The following PHLPP2 variants were observed in gnomAD, a reference collection of about 807,000 sequenced individuals.
PHLPP2 encodes the protein PH domain and leucine rich repeat protein phosphatase 2.
PHLPP2 carries 66 observed loss-of-function variants against 124.9 expected under a neutral mutation model. The observed-to-expected ratio is 0.53, with a 90% CI of 0.43 to 0.65. PHLPP2 has a LOEUF of 0.65. Among genes scored for constraint, PHLPP2 ranks in the 30% least tolerant of loss-of-function variants. PHLPP2 has a pLI of 0.00. For missense variants in PHLPP2, 1,685 were observed against 1,600.4 expected (o/e 1.05, Z -0.90); for synonymous variants, 681 against 624.7 (o/e 1.09, Z -1.34).
At chr16:71,710,035 G>A (rs1042394107) in intron 2 of PHLPP2, among the ~76,000 whole-genome samples, 4 of 152,036 alleles carry the variant, frequency 2.6e-5, no homozygotes, top group Admixed American at 2.0e-4. Flanking sequence ...TTTTGGTAGC[G>A]ACGGGGCTTC....
Position 71,656,581 on chromosome 16 carries a change from G to A in PHLPP2, c.2380C>T (p.Gln794Ter), listed in dbSNP as rs753334700. Residue 794 changes from glutamine (Q) to a stop codon, truncating the protein, a stop_gained, in exon 16 of 19, where the codon CAG (glutamine) becomes TAG (stop). Transcript: ENST00000568954. LOFTEE classifies it high-confidence loss of function. ...WSHGLAEMAG[Q>*]RNKLCVSALA... ...GGCCAATATACTCACTTATTTCTCT[G>A]CCCTGCCATCTCAGCCAGTCCATGG... 1 of 1,601,358 alleles carries A rather than the reference G, an allele frequency of 6.2e-7. No homozygotes were observed. The highest frequency in any genetic ancestry group is 8.6e-7 in the Non-Finnish European group (1 of 1,168,678).
At chr16:71,677,657 TTTACA>T (rs1007555355) in intron 8 of PHLPP2, 28 of 151,628 alleles carry the variant, frequency 1.8e-4, no homozygotes, top group African/African-American at 6.0e-4. Flanking sequence ...TCTTACTGTC[TTTACA>T]AGCTACATCA....
Position 71,646,493 on chromosome 16 carries a change from A to G in PHLPP2, c.*2397T>C, listed in dbSNP as rs1479406890. ...AGAACTGGGTTTTGAGGTGGTTCCA[A>G]TAAGTAGGTTGGGAAACGAATAGCA... On this transcript the variant is annotated 3_prime_UTR_variant, in exon 19 of 19. Coordinates refer to ENST00000568954, the MANE Select transcript of PHLPP2 (RefSeq NM_015020.3). 2 of 152,194 alleles carry G rather than the reference A, an allele frequency of 1.3e-5. No homozygotes were observed. Among genetic ancestry groups the G allele is most frequent in the African/African-American group, 4.8e-5 (2 of 41,446 alleles). The allele number at this position is 152,194 out of a possible 1,614,324, so 9.4% of individuals were successfully genotyped here. A position where few individuals can be genotyped will look rare whatever the true frequency, so the allele number is the denominator to read the frequency against.
At chr16:71,692,291 C>G (rs1466681615) in intron 3 of PHLPP2, among the ~76,000 whole-genome samples, 1 of 151,972 alleles carries the variant, frequency 6.6e-6, no homozygotes, top group African/African-American at 2.4e-5. Flanking sequence ...GGATGGTCTC[C>G]ATCTCCTGAC....
chr16:71,655,765 C>T (rs112277627), intron 16 of PHLPP2, among the ~76,000 whole-genome samples: 335 of 152,168 alleles, frequency 2.2e-3, no homozygotes, highest in African/African-American at 7.2e-3. Context: ...CCTGGGATTA[C>T]AGGTGTGAGC....
In PHLPP2 at chr16:71,676,584, T is replaced by A. The variant is rs776919041; in HGVS notation, c.1334A>T (p.Asp445Val). The change falls in exon 9 of 19, where the codon GAT becomes GTT. Residue 445 changes from aspartate to valine, a missense_variant. Asp to Val is a radical substitution (Grantham distance 152, BLOSUM62 -3). Coordinates refer to ENST00000568954, the MANE Select transcript of PHLPP2 (RefSeq NM_015020.3). ...LEGNKHITHV[D>V]LRDNRLTDLD... is the part of the protein sequence containing the mutation. Reference sequence around the variant, plus strand: ...GTCAGTCAGTCGGTTGTCCCGCAGATCCACGTGGGTGATGTGTTTATTTCC... The same window carrying A: ...GTCAGTCAGTCGGTTGTCCCGCAGAACCACGTGGGTGATGTGTTTATTTCC... 6.2e-7 allele frequency: 1 copy of A among 1,614,066 alleles called. No homozygotes were observed.
At position 71,649,718 on chromosome 16, in the gene PHLPP2, GGT is replaced by G; in HGVS notation, c.3142_3143del (p.Thr1048ProfsTer18). The G allele has an allele frequency of 6.2e-7, 1 of 1,614,124 alleles. No individual in the cohort carries two copies. Among genetic ancestry groups the G allele is most frequent in the Non-Finnish European group, 8.5e-7 (1 of 1,180,006 alleles). ...AAGCAAATCCCACAGGACCTGGGAG[GGT>G]GAGCCCATTCATTTCACAAGTGCAG... ...EGCTCEMNGL[T>X]LPGPVGFAST... is the part of the protein sequence containing the mutation. On this transcript the variant is annotated frameshift_variant, in exon 19 of 19. Coordinates refer to ENST00000568954, the MANE Select transcript of PHLPP2 (RefSeq NM_015020.3). LOFTEE classifies it high-confidence loss of function.
chr16:71,694,785 A>T (rs908953996), intron 3 of PHLPP2, among the ~76,000 whole-genome samples: 9 of 149,126 alleles, frequency 6.0e-5, no homozygotes, highest in Non-Finnish European at 1.2e-4. Context: ...CATTTTTTAA[A>T]TTTTTTTTTT....
At chr16:71,697,023 T>C (rs1188875951) in intron 3 of PHLPP2, among the ~76,000 whole-genome samples, 1 of 151,772 alleles carries the variant, frequency 6.6e-6, no homozygotes, top group Admixed American at 6.6e-5. Flanking sequence ...ATACAAAAAT[T>C]AGCCAGCTGT....
intron 2 of PHLPP2, among the ~76,000 whole-genome samples, 160 bp downstream of exon 2, chr16:71,714,352 G>C (rs183690684): frequency 3.9e-5 from 6 of 152,274 alleles, no homozygotes; most frequent in Non-Finnish European, 5.9e-5. Flanking sequence ...TTAAATTCAA[G>C]ATTCATAAAG....
intron 2 of PHLPP2, among the ~76,000 whole-genome samples, chr16:71,711,057 C>T (rs1397519821): frequency 5.9e-5 from 9 of 152,138 alleles, no homozygotes; most frequent in East Asian, 3.9e-4. Context: ...CAGCCGGGCA[C>T]GGTGGCTCAT....
Position 71,649,222 on chromosome 16 carries a change from C to G in PHLPP2, c.3640G>C (p.Gly1214Arg), listed in dbSNP as rs781385118. 1.9e-6 allele frequency: 3 copies of G among 1,613,946 alleles called. No individual in the cohort carries two copies. Among genetic ancestry groups the G allele is most frequent in the South Asian group, 2.2e-5 (2 of 91,074 alleles). ...GIRRQNSVNS[G>R]MLLPMSKDRM... ...TCCTTGCTCATTGGCAGGAGCATGC[C>G]ACTATTCACACTGTTCTGTCTTCGG... The change falls in exon 19 of 19, where the codon GGC (glycine) becomes CGC (arginine). Residue 1214 changes from glycine (G) to arginine (R), a missense_variant. Gly to Arg is a moderately radical substitution (Grantham distance 125). Transcript: ENST00000568954.
intron 9 of PHLPP2, 152 bp from the exon 10 acceptor site, chr16:71,672,474 C>G: frequency 1.6e-6 from 1 of 636,418 alleles, no homozygotes; most frequent in Non-Finnish European, 2.8e-6. Flanking sequence ...TGAAAACTCA[C>G]TTTGACTAAC....
intron 2 of PHLPP2, among the ~76,000 whole-genome samples, chr16:71,708,102 G>T (rs1009947002): frequency 1.3e-5 from 2 of 152,090 alleles, no homozygotes; most frequent in Admixed American, 6.6e-5. Context: ...GCAGCCCTGA[G>T]AAACATCGCC....
intron 3 of PHLPP2, among the ~76,000 whole-genome samples, chr16:71,693,821 C>A (rs910512650): frequency 6.6e-6 from 1 of 152,232 alleles, no homozygotes; most frequent in Non-Finnish European, 1.5e-5. Context: ...CCCCCAATTT[C>A]TTGACATCTC....
At position 71,656,587 on chromosome 16, in the gene PHLPP2, C is replaced by A; in HGVS notation, c.2374G>T (p.Ala792Ser). Reference protein sequence around the residue: ...TFWSHGLAEMAGQRNKLCVSA... With the variant: ...TFWSHGLAEMSGQRNKLCVSA... ...TATACTCACTTATTTCTCTGCCCTG[C>A]CATCTCAGCCAGTCCATGGCTCCAG... The change falls in exon 16 of 19, where the codon GCA (alanine) becomes TCA (serine). Residue 792 changes from alanine (A) to serine (S), a missense_variant. Transcript: ENST00000568954. 5 of 1,606,122 alleles carry A rather than the reference C, an allele frequency of 3.1e-6. No individual in the cohort carries two copies. The highest frequency in any genetic ancestry group is 4.3e-6 in the Non-Finnish European group (5 of 1,172,898).
chr16:71,699,352 C>A (rs1281447787), intron 3 of PHLPP2, among the ~76,000 whole-genome samples: 1 of 152,100 alleles, frequency 6.6e-6, no homozygotes, highest in Non-Finnish European at 1.5e-5. Flanking sequence ...CCAAAACTAC[C>A]TACAGCACCT....
chr16:71,659,264 T>A, intron 13 of PHLPP2, among the ~76,000 whole-genome samples: 1 of 151,242 alleles, frequency 6.6e-6, no homozygotes, highest in Admixed American at 6.6e-5. Context: ...TTTTTTTTTT[T>A]TTTTGAGATG....
chr16:71,700,594 C>T (rs2045222886), intron 3 of PHLPP2, among the ~76,000 whole-genome samples: 2 of 141,180 alleles, frequency 1.4e-5, no homozygotes, highest in African/African-American at 2.6e-5. Context: ...GGCACGATCT[C>T]GGCTCACTGC....
Sources: gnomAD v4.1 joint callset for allele counts (sites outside exome capture counted in the v4.1 genomes callset) on GRCh38, gnomAD v4.1.1 for gene constraint, MANE v1.5 for transcripts, NCBI Gene and HGNC (gene_info 2026-07-23, HGNC 2026-07-21) for gene names.